The following COL12A1 variants were observed in gnomAD, a reference collection of about 807,000 sequenced individuals.
COL12A1 encodes the protein collagen type XII alpha 1 chain.
COL12A1 carries 114 observed loss-of-function variants against 349.7 expected under a neutral mutation model. The ratio of observed to expected loss-of-function variants is 0.33; its 90% CI spans 0.28 to 0.38. COL12A1 has a LOEUF of 0.38. Among genes scored for constraint, COL12A1 ranks in the 10% least tolerant of loss-of-function variants. The pLI is 1.00. For synonymous variants in COL12A1, 1,369 were observed against 1,329.0 expected (o/e 1.03, Z -0.66); for missense variants, 3,284 against 3,756.9 (o/e 0.87, Z 3.29).
chr6:75,183,783 C>A, intron 9 of COL12A1, 71 bp downstream of exon 9: 2 of 1,569,532 alleles, frequency 1.3e-6, no homozygotes, highest in South Asian at 2.4e-5. Context: ...AAACTAAGTC[C>A]AAACAAGTAA....
At chr6:75,203,675 A>G (rs1770637320) in intron 1 of COL12A1, among the ~76,000 whole-genome samples, 1 of 152,224 alleles carries the variant, frequency 6.6e-6, no homozygotes, top group Non-Finnish European at 1.5e-5. Context: ...CTTAAAGACA[A>G]AGAATCTTAT....
chr6:75,147,684 C>T lies in COL12A1; in HGVS notation c.4408G>A (p.Glu1470Lys). 1 of 1,600,738 alleles carries T rather than the reference C, an allele frequency of 6.2e-7. No homozygotes were observed. The highest frequency in any genetic ancestry group is 8.5e-7 in the Non-Finnish European group (1 of 1,175,554). The change falls in exon 23 of 66, where the codon GAA becomes AAA. Residue 1470 changes from glutamate to lysine, a missense_variant. Coordinates refer to ENST00000322507, the MANE Select transcript of COL12A1 (RefSeq NM_004370.6). Reference protein sequence around the residue: ...DEYSEPLKGTEKTLPVPVVSL... With the variant: ...DEYSEPLKGTKKTLPVPVVSL... ...TTTTAATCTGACTCACAGGTTTTTTCTGTCCCCTTCAGAGGCTCACTATAT... is the reference window on the plus strand; with the variant it reads ...TTTTAATCTGACTCACAGGTTTTTTTTGTCCCCTTCAGAGGCTCACTATAT...
chr6:75,117,302 A>T, intron 47 of COL12A1, 80 bp downstream of exon 47: 1 of 1,437,194 alleles, frequency 7.0e-7, no homozygotes, highest in Non-Finnish European at 9.6e-7. Context: ...ACTTGATCCC[A>T]CAAAGGATAT....
intron 58 of COL12A1, among the ~76,000 whole-genome samples, chr6:75,099,455 A>G (rs949990563): frequency 4.5e-4 from 68 of 152,316 alleles, no homozygotes; most frequent in African/African-American, 1.6e-3. Context: ...TTTTTATCGT[A>G]AATATTGTAT....
chr6:75,123,126 G>A (rs1161213212), intron 43 of COL12A1, among the ~76,000 whole-genome samples: 2 of 152,186 alleles, frequency 1.3e-5, no homozygotes, highest in African/African-American at 4.8e-5. Flanking sequence ...AATAATTTAT[G>A]ACTGATTTTA....
At chr6:75,189,902 T>C in intron 5 of COL12A1, 87 bp from the exon 6 acceptor site, 1 of 1,401,814 alleles carries the variant, frequency 7.1e-7, no homozygotes, top group South Asian at 1.4e-5. Flanking sequence ...GTTGGCTCCT[T>C]AAATCATTCT....
Position 75,086,499 on chromosome 6 carries a change from T to G in COL12A1, c.*48A>C. The G allele has an allele frequency of 6.3e-7, 1 of 1,576,908 alleles. No individual in the cohort carries two copies. The highest frequency in any genetic ancestry group is 8.7e-7 in the Non-Finnish European group (1 of 1,154,606). The stretch of plus-strand genomic sequence containing the variant: ...GTGCGCAAACATCTCAGAAACAGGA[T>G]TTTCATGTATTCAAACTGTAAGCAG... On this transcript the variant is annotated 3_prime_UTR_variant, in exon 66 of 66. Transcript: ENST00000322507.
Position 75,089,148 on chromosome 6 carries a change from C to T in COL12A1, c.8968G>A (p.Gly2990Ser). The part of the protein sequence containing the change: ...RGLPGEKGER[G>S]TGSSGPRGLP... The stretch of plus-strand genomic sequence containing the variant: ...CCCCGAGGTCCTGAAGATCCAGTAC[C>T]CCTTTCACCTTTCTCTCCTGGCAAA... Residue 2990 changes from glycine to serine, a missense_variant, in exon 64 of 66, where the codon GGT (glycine) becomes AGT (serine). Physicochemically the swap from Gly to Ser is moderately conservative, Grantham distance 56 (BLOSUM62 0). Transcript: ENST00000322507. 6.2e-7 allele frequency: 1 copy of T among 1,610,808 alleles called. No individual in the cohort carries two copies. The highest frequency in any genetic ancestry group is 8.5e-7 in the Non-Finnish European group (1 of 1,179,060).
intron 13 of COL12A1, among the ~76,000 whole-genome samples, chr6:75,168,489 C>T (rs1204761374): frequency 1.3e-5 from 2 of 152,206 alleles, no homozygotes; most frequent in African/African-American, 2.4e-5. Flanking sequence ...AGGTCAACAA[C>T]AGGCTATGTC....
chr6:75,203,308 T>G (rs535460984), intron 1 of COL12A1, among the ~76,000 whole-genome samples: 3 of 152,340 alleles, frequency 2.0e-5, no homozygotes, highest in African/African-American at 7.2e-5. Flanking sequence ...TTTTCTTCAT[T>G]TTGTTCTGCT....
intron 2 of COL12A1, among the ~76,000 whole-genome samples, chr6:75,199,692 AGTTGATAAAGTCTATGCAGTGATGCG>A (rs1247941237): frequency 2.0e-5 from 3 of 152,210 alleles, no homozygotes; most frequent in Non-Finnish European, 1.5e-5. Flanking sequence ...ACTCAGATAC[AGTTGATAAAGTCTATGCAGTGATGCG>A]GTTGATAAAG....
At chr6:75,108,966 C>T (rs746726600) in intron 52 of COL12A1, 52 bp downstream of exon 52, 3 of 1,544,468 alleles carry the variant, frequency 1.9e-6, no homozygotes, top group African/African-American at 1.4e-5. Context: ...TAGAAAAATG[C>T]CATTTCAATC....
chr6:75,116,800 G>A (rs533784619), intron 47 of COL12A1, among the ~76,000 whole-genome samples: 1 of 152,198 alleles, frequency 6.6e-6, no homozygotes, highest in South Asian at 2.1e-4. Flanking sequence ...TTGCCTCCTG[G>A]TAATTATGGA....
chr6:75,189,892 G>A (rs1174369989), intron 5 of COL12A1, 77 bp from the exon 6 acceptor site: 4 of 1,496,180 alleles, frequency 2.7e-6, no homozygotes, highest in East Asian at 2.3e-5. Flanking sequence ...TTGCAAAAAT[G>A]TTGGCTCCTT....
rs1192211525 is a variant in COL12A1 at position 75,086,557 on chromosome 6, C to A, written c.9182G>T (p.Gly3061Val). Residue 3061 changes from glycine (G) to valine (V), a missense_variant and splice_region_variant, in exon 66 of 66, where the codon GGT (glycine) becomes GTT (valine). By Grantham distance (109) the Gly-to-Val change is moderately radical. Around this residue, in one of 2 missense-constraint regions of COL12A1, gnomAD observed 683 missense variants for 932.1 expected, o/e 0.73. Coordinates refer to ENST00000322507, the MANE Select transcript of COL12A1 (RefSeq NM_004370.6). Reference protein sequence around the residue: ...SIPYNGQGYPGSG With the variant: ...SIPYNGQGYPVSG Reference sequence around the variant, plus strand: ...GACTTAGAAAATGTGTTAGCCGGAACCTGAAACAGGTCAAAGATGATAGTT... The same window carrying A: ...GACTTAGAAAATGTGTTAGCCGGAAACTGAAACAGGTCAAAGATGATAGTT... 10 of 1,603,696 alleles carry A rather than the reference C, an allele frequency of 6.2e-6. No individual in the cohort carries two copies. The highest frequency in any genetic ancestry group is 2.3e-5 in the East Asian group (1 of 44,348).
rs759793498 is a variant in COL12A1 at position 75,184,041 on chromosome 6, G to T, written c.1101C>A (p.Ile367=). ...SPSPVTGYKV[I]LTPMTAGSRQ... ...GGCTTCCTGCAGTCATTGGTGTGAG[G>T]ATGACTTTGTAGCCAGTCACTGGAC... Residue 367 remains isoleucine, a synonymous_variant, in exon 9 of 66, where the codon ATC becomes ATA. Transcript: ENST00000322507. 38 of 1,614,180 alleles carry T rather than the reference G, an allele frequency of 2.4e-5. 1 individual carries two copies. The South Asian group carries it at 4.1e-4, about 17-fold the overall frequency.
At chr6:75,166,246 A>G (rs1768301233) in intron 13 of COL12A1, among the ~76,000 whole-genome samples, 1 of 152,218 alleles carries the variant, frequency 6.6e-6, no homozygotes, top group Non-Finnish European at 1.5e-5. Flanking sequence ...ATGATTTACA[A>G]CAACTGCAAC....
At chr6:75,106,759 C>A (rs1432354273) in intron 52 of COL12A1, among the ~76,000 whole-genome samples, 3 of 151,840 alleles carry the variant, frequency 2.0e-5, no homozygotes, top group African/African-American at 7.3e-5. Context: ...CATATGTCTA[C>A]GAGAAAGAGA....
Position 75,165,927 on chromosome 6 carries a change from A to C in COL12A1, c.2711-148T>G. On this transcript the variant is annotated intron_variant, in intron 13 of 65. Coordinates refer to ENST00000322507, the MANE Select transcript of COL12A1 (RefSeq NM_004370.6). ...CCCATTTCTTCTTTTTGAGTTGTCCATCCTATTCTGTCTGTGGAATAGATA... is the reference window on the plus strand; with the variant it reads ...CCCATTTCTTCTTTTTGAGTTGTCCCTCCTATTCTGTCTGTGGAATAGATA... 3 of 722,490 alleles carry C rather than the reference A, an allele frequency of 4.2e-6. No individual in the cohort carries two copies. The South Asian group carries it at 5.8e-5, about 14-fold the overall frequency. The allele number at this position is 722,490 out of a possible 1,614,324, so 44.8% of individuals were successfully genotyped here. A position where few individuals can be genotyped will look rare whatever the true frequency, so the allele number is the denominator to read the frequency against.
Sources: gnomAD v4.1 joint callset for allele counts (sites outside exome capture counted in the v4.1 genomes callset) on GRCh38, gnomAD v4.1.1 for gene constraint, gnomAD v4.1.1 regional missense constraint, MANE v1.5 for transcripts, NCBI Gene and HGNC (gene_info 2026-07-23, HGNC 2026-07-21) for gene names.